The following DPP6 variants were observed in gnomAD, a reference collection of about 807,000 sequenced individuals.
The protein encoded by DPP6 is A-type potassium channel modulatory protein DPP6.
In DPP6, 69 loss-of-function variants were observed where a neutral mutation model predicts 122.6. That is an observed-to-expected ratio of 0.56 (90% confidence interval 0.46 to 0.69). DPP6 has a LOEUF of 0.69. DPP6 is among the 30% of genes least tolerant of loss of function. The pLI, the probability that DPP6 is intolerant of heterozygous loss-of-function variation, is 0.00. For synonymous variants in DPP6, 418 were observed against 433.1 expected, an observed-to-expected ratio of 0.97 and a Z score of 0.43; for missense variants, 928 against 1,116.9, an observed-to-expected ratio of 0.83 and a Z score of 2.41.
At chr7:154,627,227 G>A (rs1361714455) in intron 5 of DPP6, among the ~76,000 whole-genome samples, 14 of 129,704 alleles carry the variant, frequency 1.1e-4, no homozygotes, top group South Asian at 5.0e-4. Context: ...AGTCTCGCTC[G>A]CTCTGTCGCC....
intron 7 of DPP6, among the ~76,000 whole-genome samples, chr7:154,704,928 G>T (rs1323744508): frequency 2.0e-5 from 3 of 152,164 alleles, no homozygotes. Context: ...TTGAGATAGA[G>T]TCTTGCTATA....
intron 1 of DPP6, among the ~76,000 whole-genome samples, chr7:154,006,280 G>T (rs1438633767): frequency 5.3e-5 from 8 of 152,004 alleles, no homozygotes; most frequent in Non-Finnish European, 1.0e-4. Context: ...GCCCCAAGAT[G>T]TTGGGGTTCA....
intron 4 of DPP6, among the ~76,000 whole-genome samples, chr7:154,553,047 C>G (rs1218967538): frequency 2.3e-4 from 35 of 152,122 alleles, no homozygotes; most frequent in Admixed American, 2.3e-3. Context: ...AATTTTTGAG[C>G]TGGTTAGAAT....
At chr7:153,955,151 G>A (rs1325072033) in intron 1 of DPP6, among the ~76,000 whole-genome samples, 2 of 152,186 alleles carry the variant, frequency 1.3e-5, no homozygotes, top group African/African-American at 2.4e-5. Context: ...ATAAGATGGA[G>A]GAAAATCTTC....
At chr7:154,827,832 T>A (rs2150513338) in intron 16 of DPP6, among the ~76,000 whole-genome samples, 1 of 151,522 alleles carries the variant, frequency 6.6e-6, no homozygotes, top group Non-Finnish European at 1.5e-5. Context: ...GGAGAAGGTG[T>A]CTGCAAGGAG....
At chr7:154,739,890 T>C (rs779239238) in intron 8 of DPP6, among the ~76,000 whole-genome samples, 16 of 152,170 alleles carry the variant, frequency 1.1e-4, no homozygotes, top group Admixed American at 2.6e-4. Flanking sequence ...CTGAAACAGG[T>C]TAACCGCAAA....
intron 2 of DPP6, among the ~76,000 whole-genome samples, chr7:154,452,449 T>C (rs575512020): frequency 2.0e-5 from 3 of 152,346 alleles, no homozygotes; most frequent in South Asian, 2.1e-4. Flanking sequence ...ACTTCGCATA[T>C]GTTTGCACAC....
At chr7:153,871,570 A>G in the DPP6 span, among the ~76,000 whole-genome samples, 1 of 152,298 alleles carries the variant, frequency 6.6e-6, no homozygotes, top group South Asian at 2.1e-4. Context: ...TTTGACTAGG[A>G]AAGGGAGTTC....
intron 1 of DPP6, among the ~76,000 whole-genome samples, chr7:154,066,660 G>T (rs1011426483): frequency 1.3e-4 from 19 of 151,154 alleles, no homozygotes; most frequent in Non-Finnish European, 2.7e-4. Flanking sequence ...AGAGTCTCAT[G>T]TAAAAGGGCA....
chr7:154,277,157 C>T (rs1386752620), intron 1 of DPP6, among the ~76,000 whole-genome samples: 3 of 152,172 alleles, frequency 2.0e-5, no homozygotes, highest in Non-Finnish European at 4.4e-5. Context: ...TCAGGCAACT[C>T]ACTTTTTTTT....
intron 1 of DPP6, among the ~76,000 whole-genome samples, chr7:153,952,946 TC>T (rs1215986621): frequency 6.6e-6 from 1 of 152,224 alleles, no homozygotes; most frequent in African/African-American, 2.4e-5. Context: ...CATATCTTAA[TC>T]CAGGAGAAAA....
At chr7:154,848,398 T>C (rs1252500902) in intron 16 of DPP6, among the ~76,000 whole-genome samples, 9 of 152,352 alleles carry the variant, frequency 5.9e-5, no homozygotes, top group African/African-American at 2.2e-4. Flanking sequence ...ATTGTGCTTT[T>C]AATTTGCATT....
intron 3 of DPP6, among the ~76,000 whole-genome samples, chr7:154,496,918 T>C (rs1036038469): frequency 6.6e-6 from 1 of 152,180 alleles, no homozygotes; most frequent in African/African-American, 2.4e-5. Flanking sequence ...ATTTAGAGAA[T>C]ATAAAAAATT....
intron 1 of DPP6, among the ~76,000 whole-genome samples, chr7:153,979,325 T>C (rs1230361467): frequency 6.6e-6 from 1 of 152,280 alleles, no homozygotes; most frequent in Non-Finnish European, 1.5e-5. Context: ...GGGAGTTCAC[T>C]CATGATTTGG....
At chr7:153,849,556 T>C in the DPP6 span, among the ~76,000 whole-genome samples, 1 of 151,676 alleles carries the variant, frequency 6.6e-6, no homozygotes, top group Admixed American at 6.5e-5. Flanking sequence ...TTTATCCATC[T>C]TTTTTTTGAA....
intron 1 of DPP6, among the ~76,000 whole-genome samples, chr7:153,980,373 G>A (rs1388399316): frequency 1.3e-5 from 2 of 151,852 alleles, no homozygotes; most frequent in African/African-American, 4.8e-5. Context: ...TGTGTATTTT[G>A]TGTGGGATCA....
intron 3 of DPP6, among the ~76,000 whole-genome samples, chr7:154,504,248 A>C (rs1386869695): frequency 6.6e-6 from 1 of 152,126 alleles, no homozygotes; most frequent in African/African-American, 2.4e-5. Flanking sequence ...ATTTAAAGAG[A>C]TGTATTATCT....
chr7:154,355,046 G>C (rs1329391679), intron 1 of DPP6, among the ~76,000 whole-genome samples: 2 of 152,112 alleles, frequency 1.3e-5, no homozygotes, highest in African/African-American at 4.8e-5. Context: ...GGTGGTGGTG[G>C]TGTTTTTACC....
chr7:154,867,973 G>C (rs372204234), intron 17 of DPP6, 22 bp from the exon 18 acceptor site: 62 of 1,572,670 alleles, frequency 3.9e-5, no homozygotes, highest in Admixed American at 1.3e-4. Context: ...ATCTCAGTGT[G>C]TCCCTGTTTC....
Sources: allele counts gnomAD v4.1 joint callset (sites outside exome capture counted in the v4.1 genomes callset), GRCh38; gene constraint gnomAD v4.1.1; transcripts MANE v1.5; gene names NCBI Gene and HGNC (gene_info 2026-07-23, HGNC 2026-07-21).